PRELID2: variants seen among roughly 807,000 people sequenced by gnomAD.
The protein encoded by PRELID2 is PRELI domain-containing protein 2.
A neutral mutation model predicts 28.4 loss-of-function variants in PRELID2; 25 were observed. That is an observed-to-expected ratio of 0.88 (90% CI 0.64 to 1.23). The LOEUF (loss-of-function observed/expected upper bound fraction) is 1.23, where lower values mean the gene tolerates loss of function less well. PRELID2 is among the 50% of genes most tolerant of loss of function. PRELID2 has a pLI of 0.00. For synonymous variants in PRELID2, 76 were observed against 71.6 expected, an observed-to-expected ratio of 1.06 and a Z score of -0.31; for missense variants, 201 against 214.4, an observed-to-expected ratio of 0.94 and a Z score of 0.39.
chr5:145,670,322 G>T (rs1022578824), intron 1 of PRELID2, among the ~76,000 whole-genome samples: 1 of 152,026 alleles, frequency 6.6e-6, no homozygotes, highest in Non-Finnish European at 1.5e-5. Context: ...GACAAAGAGT[G>T]AGAACTCACC....
At chr5:145,256,014 T>C in the PRELID2 span, among the ~76,000 whole-genome samples, 2 of 151,780 alleles carry the variant, frequency 1.3e-5, no homozygotes, top group African/African-American at 4.9e-5. Flanking sequence ...CTGTAGAAAA[T>C]TATAACAAAC....
At chr5:145,794,426 G>C (rs192229842) in intron 5 of PRELID2, among the ~76,000 whole-genome samples, 70 of 152,262 alleles carry the variant, frequency 4.6e-4, no homozygotes, top group Admixed American at 1.4e-3. Flanking sequence ...AGTGAAGTTC[G>C]TGATGCTAGG....
the PRELID2 span, among the ~76,000 whole-genome samples, chr5:145,457,825 T>G: frequency 3.0e-4 from 45 of 152,124 alleles, no homozygotes; most frequent in African/African-American, 1.0e-3. Flanking sequence ...TCTATTGGGG[T>G]TACATATTTG....
At chr5:145,642,728 G>A (rs1320926671) in intron 1 of PRELID2, among the ~76,000 whole-genome samples, 5 of 152,108 alleles carry the variant, frequency 3.3e-5, no homozygotes, top group African/African-American at 1.2e-4. Context: ...TCAGTTTTCT[G>A]CATATGGCTA....
At chr5:145,765,196 C>T (rs1181200531) in intron 5 of PRELID2, among the ~76,000 whole-genome samples, 196 bp from the exon 6 acceptor site, 1 of 152,070 alleles carries the variant, frequency 6.6e-6, no homozygotes, top group African/African-American at 2.4e-5. Flanking sequence ...CGCATGTGCT[C>T]AGAACTACTC....
intron 1 of PRELID2, among the ~76,000 whole-genome samples, chr5:145,570,608 A>G (rs73309631): frequency 0.034 from 5,237 of 152,246 alleles, 279 homozygotes; most frequent in African/African-American, 0.12. Context: ...CAATCCATGC[A>G]TTAATCATAT....
At position 145,799,025 on chromosome 5, in the gene PRELID2, A is replaced by AATATATATATATATAT. The variant is rs532556100; in HGVS notation, c.369-2494_369-2479dup. 2.7e-3 allele frequency among the ~76,000 whole-genome samples: 405 copies of AATATATATATATATAT among 147,974 alleles called. 1 individual carries two copies. Among genetic ancestry groups the AATATATATATATATAT allele is most frequent in the African/African-American group, 9.4e-3 (377 of 40,118 alleles). On this transcript the variant is annotated intron_variant, in intron 4 of 6. Transcript: ENST00000683046. ...TACCCTAGAACTTAAAGTATAATAA[A>AATATATATATATATAT]ATATATATATATATATAAAAGACTC...
At chr5:145,518,467 G>C (rs1407107214) in intron 1 of PRELID2, among the ~76,000 whole-genome samples, 1 of 152,100 alleles carries the variant, frequency 6.6e-6, no homozygotes, top group Non-Finnish European at 1.5e-5. Flanking sequence ...CAAAGGGCTG[G>C]GATTACAGGC....
In PRELID2 at chr5:145,492,663, G is replaced by A. The variant is rs1302208891; in HGVS notation, n.71-19348C>T. Among the ~76,000 whole-genome samples the A allele has an allele frequency of 1.4e-5, 2 of 140,960 alleles. 1 individual carries two copies. The highest frequency in any genetic ancestry group is 3.2e-5 in the Non-Finnish European group (2 of 62,614). The allele number at this position is 140,960 out of a possible 152,430, so 92.5% of individuals were successfully genotyped here. On this transcript the variant is annotated intron_variant and non_coding_transcript_variant, in intron 1 of 2. Coordinates refer to the PRELID2 transcript ENST00000510259. ...TTCACAGTTTTGAGTCTTACATTTA[G>A]GTCTTTAATCCATTTTGAGTTGATT...
the PRELID2 span, among the ~76,000 whole-genome samples, chr5:145,442,578 G>A: frequency 1.3e-5 from 2 of 152,052 alleles, no homozygotes; most frequent in African/African-American, 4.8e-5. Context: ...GGATATACCA[G>A]CATTTATTAT....
intron 1 of PRELID2, among the ~76,000 whole-genome samples, chr5:145,606,435 A>G (rs894486091): frequency 4.6e-5 from 7 of 152,142 alleles, no homozygotes; most frequent in Non-Finnish European, 1.0e-4. Flanking sequence ...ATTTTGAGGT[A>G]TATTCCTTCA....
chr5:145,512,838 C>A (rs1162631584), intron 1 of PRELID2, among the ~76,000 whole-genome samples: 2 of 152,244 alleles, frequency 1.3e-5, no homozygotes, highest in East Asian at 1.9e-4. Flanking sequence ...GATACCCAGG[C>A]AAACAGGGTG....
chr5:145,274,418 A>C, the PRELID2 span, among the ~76,000 whole-genome samples: 1 of 152,160 alleles, frequency 6.6e-6, no homozygotes, highest in Non-Finnish European at 1.5e-5. Context: ...AAAAGAAAAT[A>C]ATGAGCTCAC....
intron 5 of PRELID2, among the ~76,000 whole-genome samples, chr5:145,782,029 A>C (rs769668675): frequency 7.2e-4 from 109 of 152,264 alleles, no homozygotes; most frequent in Admixed American, 1.5e-3. Flanking sequence ...CGGAGAGAAC[A>C]CAGCTCCCAA....
Position 145,693,150 on chromosome 5 carries a change from C to CTT in PRELID2, n.70+71779_70+71780dup, listed in dbSNP as rs747936867. Among the ~76,000 whole-genome samples, 369 of 141,696 alleles carry CTT rather than the reference C, an allele frequency of 2.6e-3. 2 individuals are homozygous for CTT. The highest frequency in any genetic ancestry group is 8.2e-3 in the African/African-American group (313 of 38,384). 93.0% of individuals were successfully genotyped at this position (141,696 alleles called of 152,430 possible). A position where few individuals can be genotyped will look rare whatever the true frequency, so the allele number is the denominator to read the frequency against. ...CCTAGGGAAAAATAAATAAATAAATCTTTTTTTTTTTTTTTGAGACAGGGT... is the reference window on the plus strand; with the variant it reads ...CCTAGGGAAAAATAAATAAATAAATCTTTTTTTTTTTTTTTTTGAGACAGGGT... On this transcript the variant is annotated intron_variant and non_coding_transcript_variant, in intron 1 of 2. Transcript: ENST00000510259.
the PRELID2 span, among the ~76,000 whole-genome samples, chr5:145,286,796 A>G: frequency 6.8e-6 from 1 of 146,576 alleles, no homozygotes; most frequent in East Asian, 2.0e-4. Flanking sequence ...ATCTCAGCTC[A>G]CTGCAACCTC....
chr5:145,518,072 A>G (rs1752531927), intron 1 of PRELID2, among the ~76,000 whole-genome samples: 1 of 151,818 alleles, frequency 6.6e-6, no homozygotes, highest in Non-Finnish European at 1.5e-5. Flanking sequence ...GCAAACCACC[A>G]TGGCACATGT....
At chr5:145,476,667 T>A (rs534215669) in intron 1 of PRELID2, among the ~76,000 whole-genome samples, 223 of 152,022 alleles carry the variant, frequency 1.5e-3, no homozygotes, top group African/African-American at 4.5e-3. Flanking sequence ...AAAATAAAAA[T>A]TTATTAATTG....
chr5:145,673,337 G>A (rs1460950983), intron 1 of PRELID2, among the ~76,000 whole-genome samples: 9 of 151,898 alleles, frequency 5.9e-5, no homozygotes, highest in Non-Finnish European at 8.8e-5. Context: ...GGGAAAGAAG[G>A]GATTGCTGGC....
Sources: gnomAD v4.1 joint callset for allele counts (sites outside exome capture counted in the v4.1 genomes callset) on GRCh38, gnomAD v4.1.1 for gene constraint, MANE v1.5 for transcripts, NCBI Gene and HGNC (gene_info 2026-07-23, HGNC 2026-07-21) for gene names.